GOLM1: variants seen among roughly 807,000 people sequenced by gnomAD.
The protein encoded by GOLM1 is epididymis luminal protein 46.
Under a neutral mutation model 50.5 loss-of-function variants are expected in GOLM1, and 31 were observed. That is an observed-to-expected ratio of 0.61 (90% CI 0.46 to 0.83). The LOEUF (loss-of-function observed/expected upper bound fraction) is 0.83. GOLM1 is among the 40% of genes least tolerant of loss of function. The probability of loss-of-function intolerance (pLI) is 0.00; values close to 1 mark genes in which losing one functional copy is unlikely to be tolerated. For missense variants in GOLM1, 491 were observed against 501.3 expected (o/e 0.98, Z 0.20); for synonymous variants, 178 against 192.8 (o/e 0.92, Z 0.64).
chr9:86,034,164 C>T (rs1833067093), intron 8 of GOLM1, among the ~76,000 whole-genome samples: 1 of 152,092 alleles, frequency 6.6e-6, no homozygotes, highest in Non-Finnish European at 1.5e-5. Flanking sequence ...GGGGTTTCAC[C>T]ATATTGGCCA....
At chr9:86,035,909 A>G (rs1452733256) in intron 7 of GOLM1, among the ~76,000 whole-genome samples, 1 of 149,352 alleles carries the variant, frequency 6.7e-6, no homozygotes, top group Admixed American at 6.7e-5. Context: ...CCTGGACTAA[A>G]TTACCTTGAC....
chr9:86,048,120 G>A (rs149196868), intron 4 of GOLM1, among the ~76,000 whole-genome samples: 1,616 of 147,264 alleles, frequency 0.011, 14 homozygotes, highest in African/African-American at 0.02. Flanking sequence ...GAGAACATGC[G>A]GTGTTTGGTT....
chr9:86,053,336 ACCACG>A (rs142255973), intron 3 of GOLM1, among the ~76,000 whole-genome samples: 12,623 of 117,346 alleles, frequency 0.11, 685 homozygotes, highest in Non-Finnish European at 0.15. Flanking sequence ...ACCACACTAC[ACCACG>A]CCACAACTCC....
intron 3 of GOLM1, among the ~76,000 whole-genome samples, chr9:86,068,738 T>C (rs910854531): frequency 6.6e-6 from 1 of 152,248 alleles, no homozygotes; most frequent in Admixed American, 6.5e-5. Context: ...GATAACCTGA[T>C]ATGCAGTAAC....
At chr9:86,064,365 A>C (rs1275492486) in intron 3 of GOLM1, among the ~76,000 whole-genome samples, 1 of 152,092 alleles carries the variant, frequency 6.6e-6, no homozygotes, top group Non-Finnish European at 1.5e-5. Context: ...ATTCTGCTCA[A>C]TTCACACTTT....
intron 3 of GOLM1, among the ~76,000 whole-genome samples, chr9:86,066,536 T>G (rs1205431843): frequency 6.6e-6 from 1 of 152,268 alleles, no homozygotes; most frequent in Non-Finnish European, 1.5e-5. Context: ...ACAAGAACTC[T>G]ATTTTCATGA....
At chr9:86,079,466 T>C (rs1834722792) in intron 1 of GOLM1, 125 bp from the exon 2 acceptor site, 2 of 701,392 alleles carry the variant, frequency 2.9e-6, no homozygotes, top group South Asian at 2.3e-5. Flanking sequence ...TAGCTTCTCC[T>C]TGACGTGCAA....
intron 9 of GOLM1, among the ~76,000 whole-genome samples, chr9:86,029,795 T>C (rs2118603776): frequency 6.6e-6 from 1 of 152,336 alleles, no homozygotes; most frequent in African/African-American, 2.4e-5. Flanking sequence ...TTACCTTACC[T>C]ACTTACTTTG....
chr9:86,089,665 T>G (rs1835110225), intron 1 of GOLM1, among the ~76,000 whole-genome samples: 4 of 152,182 alleles, frequency 2.6e-5, no homozygotes, highest in Admixed American at 2.6e-4. Context: ...CTCTAAACTT[T>G]TTTCAAGGTT....
At position 86,035,767 on chromosome 9, in the gene GOLM1, C is replaced by T. The variant is rs1428884831; in HGVS notation, c.758-142G>A. The T allele has an allele frequency of 2.6e-4, 178 of 691,282 alleles. 1 individual carries two copies. Among genetic ancestry groups the T allele is most frequent in the Middle Eastern group, 1.4e-3 (4 of 2,788 alleles). 42.8% of individuals were successfully genotyped at this position (691,282 alleles called of 1,614,324 possible). ...GTGGGGTGGGCTGCACACAGGAGAA[C>T]AACCAGGTAGCTCCTTTTGTGACCT... On this transcript the variant is annotated intron_variant, in intron 7 of 9. Transcript: ENST00000388712.
chr9:86,084,389 T>C (rs1245207636), intron 1 of GOLM1, among the ~76,000 whole-genome samples: 3 of 152,144 alleles, frequency 2.0e-5, no homozygotes, highest in East Asian at 1.9e-4. Context: ...CGACATCACA[T>C]ACCCCCTGAT....
intron 8 of GOLM1, chr9:86,035,060 C>G: frequency 1.0e-6 from 1 of 985,306 alleles, no homozygotes; most frequent in Non-Finnish European, 1.2e-6. Context: ...GGGCATGTGG[C>G]CTGCCTGCCA....
At chr9:86,089,577 A>G (rs1480575856) in intron 1 of GOLM1, among the ~76,000 whole-genome samples, 1 of 151,808 alleles carries the variant, frequency 6.6e-6, no homozygotes, top group Non-Finnish European at 1.5e-5. Flanking sequence ...ATGCTTCACG[A>G]AGTTCTCGTG....
chr9:86,054,516 G>A (rs11141203), intron 3 of GOLM1, among the ~76,000 whole-genome samples: 7,903 of 152,170 alleles, frequency 0.052, 285 homozygotes, highest in Non-Finnish European at 0.077. Context: ...GAGCCACTGC[G>A]CCCGGCCTCA....
chr9:86,059,431 G>A (rs920224428), intron 3 of GOLM1, among the ~76,000 whole-genome samples: 4 of 152,150 alleles, frequency 2.6e-5, no homozygotes, highest in Non-Finnish European at 4.4e-5. Context: ...CTAAGCGAAA[G>A]AAGCCAGACA....
At chr9:86,068,916 T>C (rs1346764906) in intron 3 of GOLM1, among the ~76,000 whole-genome samples, 1 of 152,086 alleles carries the variant, frequency 6.6e-6, no homozygotes, top group African/African-American at 2.4e-5. Flanking sequence ...TCTCAGTGTC[T>C]ACTTACAAAG....
At chr9:86,033,230 A>G in intron 9 of GOLM1, 52 bp downstream of exon 9, 1 of 975,336 alleles carries the variant, frequency 1.0e-6, no homozygotes, top group Non-Finnish European at 1.7e-6. Flanking sequence ...GTGAAGGACC[A>G]GGAAAGAGAA....
intron 1 of GOLM1, among the ~76,000 whole-genome samples, chr9:86,086,042 T>A (rs1046542380): frequency 2.0e-5 from 3 of 152,232 alleles, no homozygotes; most frequent in African/African-American, 7.2e-5. Context: ...CCTTGAGGAA[T>A]CACCACACTG....
chr9:86,041,934 G>A (rs1363507098), intron 5 of GOLM1, among the ~76,000 whole-genome samples: 5 of 152,156 alleles, frequency 3.3e-5, no homozygotes, highest in East Asian at 1.9e-4. Context: ...TGGCTAACAC[G>A]GTGAAACCCT....
Sources: allele counts gnomAD v4.1 joint callset (sites outside exome capture counted in the v4.1 genomes callset), GRCh38; gene constraint gnomAD v4.1.1; transcripts MANE v1.5; gene names NCBI Gene and HGNC (gene_info 2026-07-23, HGNC 2026-07-21).